ANK3: variants seen among roughly 807,000 people sequenced by gnomAD.
The protein encoded by ANK3 is ankyrin-3.
ANK3 carries 57 observed loss-of-function variants against 370.9 expected under a neutral mutation model. The observed-to-expected ratio is 0.15, with a 90% CI of 0.12 to 0.19. ANK3 has a LOEUF of 0.19. ANK3 is among the 10% of genes least tolerant of loss of function. The probability of loss-of-function intolerance (pLI) is 1.00; values close to 1 mark genes in which losing one functional copy is unlikely to be tolerated. For missense variants in ANK3, 4,439 were observed against 5,302.1 expected (o/e 0.84, Z 5.06); for synonymous variants, 1,929 against 1,946.3 (o/e 0.99, Z 0.23).
At chr10:60,604,845 A>G (rs1388453145) in intron 2 of ANK3, among the ~76,000 whole-genome samples, 2 of 152,140 alleles carry the variant, frequency 1.3e-5, no homozygotes, top group Non-Finnish European at 2.9e-5. Context: ...GTGCTTTATT[A>G]TTGAAACAAG....
At chr10:60,639,622 G>A (rs574416895) in intron 1 of ANK3, among the ~76,000 whole-genome samples, 9 of 151,556 alleles carry the variant, frequency 5.9e-5, no homozygotes, top group African/African-American at 2.2e-4. Context: ...TTACATGGGT[G>A]GTATATTAGA....
At position 60,070,868 on chromosome 10, in the gene ANK3, T is replaced by A; in HGVS notation, c.10013A>T (p.Glu3338Val). The A allele has an allele frequency of 6.2e-7, 1 of 1,614,094 alleles. No homozygotes were observed. Among genetic ancestry groups the A allele is most frequent in the East Asian group, 2.2e-5 (1 of 44,888 alleles). The change falls in exon 37 of 44, where the codon GAA becomes GTA. Residue 3338 changes from glutamate to valine, a missense_variant. Glu to Val is a moderately radical substitution (Grantham distance 121). Around this residue, in one of 13 missense-constraint regions of ANK3, gnomAD observed 1,601 missense variants for 1,731.7 expected, o/e 0.92. Transcript: ENST00000280772. The surrounding 1 kb of genome is among the most constrained non-coding windows in gnomAD (Gnocchi z 5.7). The stretch of plus-strand genomic sequence containing the variant: ...TTTTTCTTTTTGTTCATCGTCCACT[T>A]CCTTTAATTTGAAGGTATATTTTTT... ...PVKKYTFKLK[E>V]VDDEQKEKPK...
At chr10:60,198,243 T>C in intron 14 of ANK3, 97 bp downstream of exon 14, 1 of 1,203,228 alleles carries the variant, frequency 8.3e-7, no homozygotes. Flanking sequence ...CAAGAATAGA[T>C]GCTGTTGTGC....
At chr10:60,371,712 A>T (rs1040198611) in intron 1 of ANK3, among the ~76,000 whole-genome samples, 1 of 152,150 alleles carries the variant, frequency 6.6e-6, no homozygotes, top group Non-Finnish European at 1.5e-5. Context: ...CTGTTTATTA[A>T]ATTTGTTATT....
intron 21 of ANK3, among the ~76,000 whole-genome samples, chr10:60,167,122 CCA>C (rs2095645043): frequency 6.6e-6 from 1 of 152,122 alleles, no homozygotes; most frequent in South Asian, 2.1e-4. Flanking sequence ...TGGCAAAGTA[CCA>C]CAGCTTAAAA....
intron 2 of ANK3, among the ~76,000 whole-genome samples, chr10:60,474,235 C>T (rs2074996273): frequency 6.6e-6 from 1 of 150,676 alleles, no homozygotes; most frequent in Admixed American, 6.6e-5. Flanking sequence ...AGCAGTTTTT[C>T]AAAAAGTCCA....
chr10:60,300,751 T>A (rs1012585061), intron 1 of ANK3, among the ~76,000 whole-genome samples: 1 of 152,174 alleles, frequency 6.6e-6, no homozygotes, highest in South Asian at 2.1e-4. Context: ...TCCTCTGTAC[T>A]CACGCTACTC....
intron 1 of ANK3, among the ~76,000 whole-genome samples, chr10:60,309,922 CTTTTTTTTTTTT>C (rs71015785): frequency 7.4e-6 from 1 of 134,270 alleles, no homozygotes; most frequent in Non-Finnish European, 1.6e-5. Context: ...TTTCTTTTTT[CTTTTTTTTTTTT>C]TTTTGTTTTG....
chr10:60,733,203 G>A, intron 1 of ANK3: 4 of 1,226,588 alleles, frequency 3.3e-6, no homozygotes, highest in Non-Finnish European at 4.1e-6. Context: ...CCGCCCGCCC[G>A]GGTCCCCGCA....
rs1029734111 is a variant in ANK3, at chr10:60,073,336, G to A, written c.7545C>T (p.Leu2515=). Residue 2515 remains leucine (L), a synonymous_variant, in exon 37 of 44, where the codon CTC becomes CTT. Coordinates refer to ENST00000280772, the MANE Select transcript of ANK3 (RefSeq NM_020987.5). ...KIATAPKKEI[L]SKIYKDVSEN... The stretch of plus-strand genomic sequence containing the variant: ...CAGAAACATCTTTATAGATTTTGGA[G>A]AGAATTTCTTTTTTGGGGGCAGTGG... The A allele has an allele frequency of 4.3e-6, 7 of 1,613,878 alleles. No homozygotes were observed. The highest frequency in any genetic ancestry group is 1.6e-4 in the Middle Eastern group (1 of 6,082).
chr10:60,693,947 C>A (rs2079400689), intron 1 of ANK3, among the ~76,000 whole-genome samples: 2 of 151,956 alleles, frequency 1.3e-5, no homozygotes, highest in Non-Finnish European at 2.9e-5. Context: ...GATCAAATTA[C>A]TCTGAGCTAC....
At chr10:60,400,590 A>G (rs2063333417) in intron 2 of ANK3, among the ~76,000 whole-genome samples, 1 of 152,130 alleles carries the variant, frequency 6.6e-6, no homozygotes, top group Non-Finnish European at 1.5e-5. Flanking sequence ...TACAATAAAA[A>G]CTTTATTTAT....
At chr10:60,524,919 TA>T (rs1387554244) in intron 2 of ANK3, among the ~76,000 whole-genome samples, 2 of 152,138 alleles carry the variant, frequency 1.3e-5, no homozygotes, top group Admixed American at 1.3e-4. Context: ...TTGTGCAATG[TA>T]ATCATTGAAT....
intron 2 of ANK3, among the ~76,000 whole-genome samples, chr10:60,535,339 T>C (rs918842429): frequency 6.6e-6 from 1 of 152,028 alleles, no homozygotes; most frequent in Non-Finnish European, 1.5e-5. Flanking sequence ...CAATGAAAAA[T>C]ACGTTCACTC....
chr10:60,432,990 T>C (rs547536021), intron 2 of ANK3, among the ~76,000 whole-genome samples: 5 of 152,244 alleles, frequency 3.3e-5, no homozygotes, highest in East Asian at 3.9e-4. Flanking sequence ...GCCACAGCGA[T>C]AGAGTCCCTT....
chr10:60,199,830 T>C (rs1475515706), intron 13 of ANK3, among the ~76,000 whole-genome samples: 4 of 152,134 alleles, frequency 2.6e-5, no homozygotes, highest in Non-Finnish European at 4.4e-5. Context: ...CTCCACGGAG[T>C]GTGAAGAACT....
At chr10:60,112,756 G>A (rs1392577773) in intron 26 of ANK3, among the ~76,000 whole-genome samples, 3 of 152,114 alleles carry the variant, frequency 2.0e-5, no homozygotes, top group African/African-American at 4.8e-5. Context: ...CCAGGTACAC[G>A]ACAAGAAGTA....
intron 43 of ANK3, among the ~76,000 whole-genome samples, chr10:60,036,371 T>A (rs547789431): frequency 6.7e-6 from 1 of 150,058 alleles, no homozygotes; most frequent in African/African-American, 2.4e-5. Context: ...ATTGAGTGCT[T>A]ACTAAGGAGG....
chr10:60,370,224 T>C lies in ANK3; in HGVS notation c.114+19201A>G, dbSNP rs1431344358. On this transcript the variant is annotated intron_variant, in intron 1 of 43. Coordinates refer to ENST00000280772, the MANE Select transcript of ANK3 (RefSeq NM_020987.5). ...ATCTAAGTGTAATCGTGCCTATTTT[T>C]GTTAACAAAAAGATTTGAAAGGAAA... Among the ~76,000 whole-genome samples the C allele has an allele frequency of 2.0e-5, 3 of 152,160 alleles. No homozygotes were observed. The East Asian group carries it at 5.8e-4, about 29-fold the overall frequency.
Sources: gnomAD v4.1 joint callset for allele counts (sites outside exome capture counted in the v4.1 genomes callset) on GRCh38, gnomAD v4.1.1 for gene constraint, gnomAD v4.1.1 regional missense constraint, Gnocchi (gnomAD v3.1) non-coding constraint, MANE v1.5 for transcripts, NCBI Gene and HGNC (gene_info 2026-07-23, HGNC 2026-07-21) for gene names.